The following NAV2 variants were observed in gnomAD, a reference collection of about 807,000 sequenced individuals.
NAV2 encodes the protein helicase, APC down-regulated 1.
A neutral mutation model predicts 223.2 loss-of-function variants in NAV2; 54 were observed. That is an observed-to-expected ratio of 0.24 (90% CI 0.19 to 0.30). The LOEUF is 0.30. Among genes scored for constraint, NAV2 ranks in the 10% least tolerant of loss-of-function variants. NAV2 has a pLI of 1.00. For missense variants in NAV2, 2,806 were observed against 3,147.5 expected, an observed-to-expected ratio of 0.89 and a Z score of 2.60; for synonymous variants, 1,279 against 1,239.3, an observed-to-expected ratio of 1.03 and a Z score of -0.67.
chr11:19,525,921 G>A (rs1266153133), intron 1 of NAV2, among the ~76,000 whole-genome samples: 5 of 152,080 alleles, frequency 3.3e-5, no homozygotes, highest in African/African-American at 7.2e-5. Flanking sequence ...GAAGCTGGAC[G>A]TGTATCCTAG....
rs185711755 is a variant in NAV2 at position 19,968,426 on chromosome 11, G to A, written c.2646-15699G>A. Among the ~76,000 whole-genome samples, 17 of 152,198 alleles carry A rather than the reference G, an allele frequency of 1.1e-4. No homozygotes were observed. In the East Asian group the frequency reaches 1.5e-3, roughly 14 times the overall value. Reference sequence around the variant, plus strand: ...GTAGAGACGGGGTTTCACCATGTTGGCCAGGCTGGTCTCGATCTCCTGACC... The same window carrying A: ...GTAGAGACGGGGTTTCACCATGTTGACCAGGCTGGTCTCGATCTCCTGACC... On this transcript the variant is annotated intron_variant, in intron 10 of 37. Coordinates refer to ENST00000349880, the MANE Select transcript of NAV2 (RefSeq NM_145117.5).
At chr11:19,611,007 A>G (rs1371386087) in intron 1 of NAV2, among the ~76,000 whole-genome samples, 1 of 152,170 alleles carries the variant, frequency 6.6e-6, no homozygotes, top group Non-Finnish European at 1.5e-5. Flanking sequence ...CATACCCAAG[A>G]CTGGGAAGAA....
At chr11:19,535,128 T>G (rs143755547) in intron 1 of NAV2, among the ~76,000 whole-genome samples, 79 of 152,262 alleles carry the variant, frequency 5.2e-4, no homozygotes, top group Admixed American at 7.9e-4. Context: ...TTAGCAAGAT[T>G]GTGCAGGCAG....
chr11:19,384,999 AG>A (rs1261770415), intron 1 of NAV2: 1 of 152,232 alleles, frequency 6.6e-6, no homozygotes, highest in Non-Finnish European at 1.5e-5. Context: ...CGCAATAAAA[AG>A]ACAACTCAAA....
chr11:19,590,167 C>T (rs566501889), intron 1 of NAV2, among the ~76,000 whole-genome samples: 3 of 152,232 alleles, frequency 2.0e-5, no homozygotes, highest in Admixed American at 6.5e-5. Context: ...AGAGCTGCTG[C>T]GAGGATTAGA....
intron 10 of NAV2, among the ~76,000 whole-genome samples, chr11:19,974,672 A>G (rs1278890334): frequency 1.3e-5 from 2 of 152,190 alleles, no homozygotes; most frequent in Non-Finnish European, 2.9e-5. Context: ...CCAGCTGCTC[A>G]GGAGGCTGAG....
chr11:19,663,507 C>T (rs1050009940), intron 1 of NAV2, among the ~76,000 whole-genome samples: 1 of 152,092 alleles, frequency 6.6e-6, no homozygotes, highest in Admixed American at 6.5e-5. Flanking sequence ...GCCTGTAATC[C>T]AAAAGCTGTT....
intron 2 of NAV2, among the ~76,000 whole-genome samples, chr11:19,840,836 A>C (rs1471700317): frequency 1.3e-5 from 2 of 152,208 alleles, no homozygotes; most frequent in Admixed American, 1.3e-4. Context: ...GTTCCACTCA[A>C]CAAGTATTTA....
At chr11:19,812,107 T>C (rs886449982) in intron 1 of NAV2, among the ~76,000 whole-genome samples, 2 of 152,078 alleles carry the variant, frequency 1.3e-5, no homozygotes, top group Admixed American at 1.3e-4. Flanking sequence ...CAGAATTCAG[T>C]CCAGCAAGCA....
intron 1 of NAV2, among the ~76,000 whole-genome samples, chr11:19,572,735 C>T (rs955365208): frequency 6.6e-6 from 1 of 152,202 alleles, no homozygotes; most frequent in Non-Finnish European, 1.5e-5. Context: ...CTTAATCTCT[C>T]TATGCCTCAT....
At chr11:20,056,066 C>G in intron 19 of NAV2, 109 bp downstream of exon 19, 1 of 998,156 alleles carries the variant, frequency 1.0e-6, no homozygotes, top group South Asian at 1.6e-5. Flanking sequence ...TGAGAGCCCA[C>G]CTATAAGTGC....
At chr11:19,398,164 T>C (rs886337916) in intron 1 of NAV2, among the ~76,000 whole-genome samples, 1 of 152,100 alleles carries the variant, frequency 6.6e-6, no homozygotes, top group Non-Finnish European at 1.5e-5. Context: ...CATCTGCTTC[T>C]GGGGAGGCCT....
At chr11:19,550,032 G>A (rs1423390960) in intron 1 of NAV2, among the ~76,000 whole-genome samples, 1 of 152,192 alleles carries the variant, frequency 6.6e-6, no homozygotes, top group Non-Finnish European at 1.5e-5. Context: ...CAGCCAGGGA[G>A]GGAGGACATA....
At position 20,045,444 on chromosome 11, in the gene NAV2, C is replaced by T; in HGVS notation, c.3676C>T (p.Pro1226Ser). The T allele has an allele frequency of 1.2e-6, 2 of 1,614,190 alleles. No individual in the cohort carries two copies. The highest frequency in any genetic ancestry group is 1.7e-6 in the Non-Finnish European group (2 of 1,180,040). ...SNISSKSAGL[P>S]VPKLREPSKT... ...CATTAGCAGCAAGTCCGCAGGCCTG[C>T]CAGTGCCCAAACTGAGGGAGCCTTC... The change falls in exon 14 of 38, where the codon CCA (proline) becomes TCA (serine). Residue 1226 changes from proline to serine, a missense_variant. This residue lies in a region of NAV2 where 742 missense variants were observed against 777.9 expected (regional missense o/e 0.95). Coordinates refer to ENST00000349880, the MANE Select transcript of NAV2 (RefSeq NM_145117.5).
At chr11:19,415,964 T>C (rs1477324162) in intron 1 of NAV2, among the ~76,000 whole-genome samples, 1 of 152,172 alleles carries the variant, frequency 6.6e-6, no homozygotes, top group Non-Finnish European at 1.5e-5. Context: ...AAGAGCTATT[T>C]ATGACAAAAC....
chr11:19,489,923 T>A (rs767071020), intron 1 of NAV2, among the ~76,000 whole-genome samples: 186 of 152,314 alleles, frequency 1.2e-3, no homozygotes, highest in Non-Finnish European at 2.3e-3. Flanking sequence ...CCCACCCAGT[T>A]AAACACTATA....
chr11:19,732,121 C>T (rs771069859), intron 1 of NAV2, among the ~76,000 whole-genome samples: 20 of 152,112 alleles, frequency 1.3e-4, no homozygotes, highest in Admixed American at 2.6e-4. Context: ...GGCATGGTGG[C>T]GCGCACTTGT....
At chr11:19,900,637 A>G (rs1036543989) in intron 6 of NAV2, among the ~76,000 whole-genome samples, 1 of 152,164 alleles carries the variant, frequency 6.6e-6, no homozygotes, top group African/African-American at 2.4e-5. Context: ...CCCCATAAGT[A>G]TAAATTCTAG....
At chr11:20,040,112 C>T (rs550836051) in intron 12 of NAV2, among the ~76,000 whole-genome samples, 6 of 152,172 alleles carry the variant, frequency 3.9e-5, no homozygotes, top group South Asian at 2.1e-4. Flanking sequence ...GACTGGCAGG[C>T]GATGATGTTG....
Sources: allele counts gnomAD v4.1 joint callset (sites outside exome capture counted in the v4.1 genomes callset), GRCh38; gene constraint gnomAD v4.1.1; regional missense constraint gnomAD v4.1.1; transcripts MANE v1.5; gene names NCBI Gene and HGNC (gene_info 2026-07-23, HGNC 2026-07-21).